PDIA5: variants seen among roughly 807,000 people sequenced by gnomAD.
PDIA5 encodes protein disulfide isomerase family A member 5.
PDIA5 carries 58 observed loss-of-function variants against 77.6 expected under a neutral mutation model. The ratio of observed to expected loss-of-function variants is 0.75; its 90% CI spans 0.61 to 0.93. The LOEUF (loss-of-function observed/expected upper bound fraction) is 0.93, where lower values mean the gene tolerates loss of function less well. Among genes scored for constraint, PDIA5 ranks in the 40% least tolerant of loss-of-function variants. The probability of loss-of-function intolerance (pLI) is 0.00; values close to 1 mark genes in which losing one functional copy is unlikely to be tolerated. For synonymous variants in PDIA5, 250 were observed against 252.1 expected (o/e 0.99, Z 0.08); for missense variants, 630 against 647.7 (o/e 0.97, Z 0.30).
chr3:123,130,380 C>G, intron 10 of PDIA5, 100 bp from the exon 11 acceptor site: 1 of 1,339,192 alleles, frequency 7.5e-7, no homozygotes, highest in Non-Finnish European at 1.0e-6. Flanking sequence ...AGTGGGCCGT[C>G]CCGAGCCCAT....
At chr3:123,068,165 C>T (rs1409288656) in intron 1 of PDIA5, among the ~76,000 whole-genome samples, 1 of 152,168 alleles carries the variant, frequency 6.6e-6, no homozygotes, top group Non-Finnish European at 1.5e-5. Flanking sequence ...CCATCCTGGT[C>T]CTTTTCCCCT....
At chr3:123,069,930 A>T (rs1235458853) in intron 1 of PDIA5, among the ~76,000 whole-genome samples, 2 of 151,998 alleles carry the variant, frequency 1.3e-5, no homozygotes, top group African/African-American at 4.8e-5. Context: ...TCTCTACTAA[A>T]AATACAAAAA....
rs560401468 is a variant in PDIA5, at chr3:123,097,844, A to G, written c.258-4567A>G. On this transcript the variant is annotated intron_variant, in intron 3 of 16. Transcript: ENST00000316218. ...GAGGAAGAGAGTTATCCCTTCTTTG[A>G]TGGGGAAATGGAACTAGAGAGGCTG... Among the ~76,000 whole-genome samples, 5 of 152,220 alleles carry G rather than the reference A, an allele frequency of 3.3e-5. No individual in the cohort carries two copies. In the East Asian group the frequency reaches 9.7e-4, roughly 29 times the overall value.
chr3:123,107,719 G>C (rs146750694), intron 6 of PDIA5, among the ~76,000 whole-genome samples: 1 of 152,204 alleles, frequency 6.6e-6, no homozygotes. Flanking sequence ...GGTAGAGGGA[G>C]AGGGTTCATT....
intron 1 of PDIA5, among the ~76,000 whole-genome samples, chr3:123,086,504 G>T (rs191418350): frequency 6.6e-6 from 1 of 152,248 alleles, no homozygotes; most frequent in East Asian, 1.9e-4. Flanking sequence ...ATGTAATTTT[G>T]GTCAGATTAT....
chr3:123,150,152 T>C (rs1935855234), intron 13 of PDIA5, 82 bp from the exon 14 acceptor site: 1 of 950,412 alleles, frequency 1.1e-6, no homozygotes, highest in African/African-American at 1.6e-5. Context: ...CCCCGAGTGG[T>C]TGGGACATTG....
intron 15 of PDIA5, among the ~76,000 whole-genome samples, chr3:123,159,074 C>A (rs1043206651): frequency 2.0e-5 from 3 of 152,228 alleles, no homozygotes; most frequent in African/African-American, 7.2e-5. Flanking sequence ...ATTTATAAAA[C>A]CATACACTAT....
chr3:123,161,849 T>C (rs1936166329), intron 16 of PDIA5, 31 bp from the exon 17 acceptor site: 8 of 1,334,824 alleles, frequency 6.0e-6, no homozygotes, highest in Non-Finnish European at 8.6e-6. Context: ...TTAAAGCTCT[T>C]TCTCTCTCTC....
intron 6 of PDIA5, among the ~76,000 whole-genome samples, chr3:123,110,210 A>C (rs1450636923): frequency 1.3e-5 from 2 of 152,152 alleles, no homozygotes; most frequent in Admixed American, 1.3e-4. Context: ...CTGTGTGGCC[A>C]TTTGTCTTTT....
At chr3:123,069,888 G>A (rs939332431) in intron 1 of PDIA5, among the ~76,000 whole-genome samples, 8 of 151,942 alleles carry the variant, frequency 5.3e-5, no homozygotes, top group Admixed American at 1.3e-4. Flanking sequence ...TCAGGAGTTC[G>A]AGACCAGCCT....
At chr3:123,121,644 A>G (rs1373519622) in intron 8 of PDIA5, among the ~76,000 whole-genome samples, 1 of 152,214 alleles carries the variant, frequency 6.6e-6, no homozygotes, top group Non-Finnish European at 1.5e-5. Flanking sequence ...GAGGGTCGCC[A>G]GGAGGCGGGG....
chr3:123,100,105 T>A lies in PDIA5; in HGVS notation c.258-2306T>A, dbSNP rs1029155155. Among the ~76,000 whole-genome samples the A allele has an allele frequency of 4.3e-4, 65 of 152,164 alleles. 1 individual carries two copies. The highest frequency in any genetic ancestry group is 1.0e-4 in the Non-Finnish European group (7 of 68,018). On this transcript the variant is annotated intron_variant, in intron 3 of 16. Transcript: ENST00000316218. ...TTGCAGTTGGGTGGACGGTAGGTGG[T>A]CACAGAAACAGTGGAGCATAGCAGA...
chr3:123,090,633 A>G (rs773686540), intron 2 of PDIA5, among the ~76,000 whole-genome samples: 1 of 152,202 alleles, frequency 6.6e-6, no homozygotes, highest in Non-Finnish European at 1.5e-5. Flanking sequence ...GAGGATGGGA[A>G]GAGAGTATTG....
intron 8 of PDIA5, among the ~76,000 whole-genome samples, chr3:123,117,826 A>G (rs1262561758): frequency 6.6e-6 from 1 of 151,960 alleles, no homozygotes; most frequent in African/African-American, 2.4e-5. Context: ...ATTCTTTTGG[A>G]TATCTGTTTA....
At chr3:123,140,665 C>A (rs576623906) in intron 11 of PDIA5, among the ~76,000 whole-genome samples, 1 of 152,006 alleles carries the variant, frequency 6.6e-6, no homozygotes, top group Non-Finnish European at 1.5e-5. Flanking sequence ...TTTGTCACTT[C>A]GTCTTCCAGA....
At chr3:123,145,947 G>T (rs1935760894) in intron 12 of PDIA5, 152 bp from the exon 13 acceptor site, 1 of 703,824 alleles carries the variant, frequency 1.4e-6, no homozygotes, top group South Asian at 1.8e-5. Flanking sequence ...ATGTTCAGTT[G>T]TTCCCTGGGA....
chr3:123,099,701 G>T (rs1280535164), intron 3 of PDIA5, among the ~76,000 whole-genome samples: 1 of 152,222 alleles, frequency 6.6e-6, no homozygotes, highest in African/African-American at 2.4e-5. Flanking sequence ...TTGGAGTCTT[G>T]GTCCTAAGCC....
Position 123,124,294 on chromosome 3 carries a change from T to C in PDIA5, c.724T>C (p.Tyr242His). 2 of 1,613,680 alleles carry C rather than the reference T, an allele frequency of 1.2e-6. No individual in the cohort carries two copies. Among genetic ancestry groups the C allele is most frequent in the South Asian group, 2.2e-5 (2 of 91,076 alleles). The part of the protein sequence containing the change: ...YFEKGRFLFQ[Y>H]DNYGSTAEDI... The stretch of plus-strand genomic sequence containing the variant: ...CAGGAAAGGACGGTTCTTGTTCCAG[T>C]ATGACAACTATGGGTCCACAGCTGA... The change falls in exon 10 of 17, where the codon TAT becomes CAT. Residue 242 changes from tyrosine to histidine, a missense_variant. Transcript: ENST00000316218.
intron 15 of PDIA5, among the ~76,000 whole-genome samples, chr3:123,158,258 A>G (rs1011970565): frequency 6.6e-6 from 1 of 152,244 alleles, no homozygotes; most frequent in African/African-American, 2.4e-5. Context: ...TTGCTCAACT[A>G]GGTATTGTTA....
Sources: allele counts gnomAD v4.1 joint callset (sites outside exome capture counted in the v4.1 genomes callset), GRCh38; gene constraint gnomAD v4.1.1; transcripts MANE v1.5; gene names NCBI Gene and HGNC (gene_info 2026-07-23, HGNC 2026-07-21).